SAMD3: variants seen among roughly 807,000 people sequenced by gnomAD.
The protein encoded by SAMD3 is sterile alpha motif domain containing 3, also known as sterile alpha motif domain-containing protein 3.
A neutral mutation model predicts 58.5 loss-of-function variants in SAMD3; 63 were observed. That is an observed-to-expected ratio of 1.08 (90% CI 0.88 to 1.33). The LOEUF (loss-of-function observed/expected upper bound fraction) is 1.33, where lower values mean the gene tolerates loss of function less well. SAMD3 is among the 40% of genes most tolerant of loss of function. SAMD3 has a pLI of 0.00. For synonymous variants in SAMD3, 220 were observed against 210.3 expected, an observed-to-expected ratio of 1.05 and a Z score of -0.40; for missense variants, 604 against 608.4, an observed-to-expected ratio of 0.99 and a Z score of 0.08.
intron 2 of SAMD3, among the ~76,000 whole-genome samples, chr6:130,298,899 T>A (rs893606993): frequency 6.6e-6 from 1 of 152,128 alleles, no homozygotes; most frequent in Non-Finnish European, 1.5e-5. Flanking sequence ...CATTATTTAA[T>A]GATAAAGGGT....
chr6:130,199,053 TA>T (rs1794405919), intron 5 of SAMD3, among the ~76,000 whole-genome samples: 1 of 152,202 alleles, frequency 6.6e-6, no homozygotes, highest in South Asian at 2.1e-4. Context: ...TGTAAAATAG[TA>T]TTACTTTCTG....
At chr6:130,267,068 G>A (rs1001707655) in intron 2 of SAMD3, among the ~76,000 whole-genome samples, 2 of 152,168 alleles carry the variant, frequency 1.3e-5, no homozygotes, top group Non-Finnish European at 2.9e-5. Context: ...ACTAGCTCTC[G>A]ACTACTTGCT....
chr6:130,362,373 T>A (rs1778013387), intron 1 of SAMD3, among the ~76,000 whole-genome samples: 1 of 152,220 alleles, frequency 6.6e-6, no homozygotes, highest in African/African-American at 2.4e-5. Context: ...GAATGACTGG[T>A]TCAGTACCAT....
intron 5 of SAMD3, among the ~76,000 whole-genome samples, chr6:130,185,628 ATTTT>A (rs1224222250): frequency 7.6e-6 from 1 of 132,378 alleles, no homozygotes; most frequent in African/African-American, 2.8e-5. Context: ...CATCTGCCCA[ATTTT>A]TTTTTTTTTT....
At chr6:130,183,464 C>T in intron 7 of SAMD3, 1 of 428,108 alleles carries the variant, frequency 2.3e-6, no homozygotes, top group South Asian at 1.7e-5. Flanking sequence ...GACCTCAAAG[C>T]CAGACAACAG....
chr6:130,302,979 T>A (rs1348399275), intron 2 of SAMD3, among the ~76,000 whole-genome samples: 1 of 152,142 alleles, frequency 6.6e-6, no homozygotes, highest in African/African-American at 2.4e-5. Context: ...GCTGTTTGGG[T>A]GGCGAGTTAA....
chr6:130,215,372 C>T, intron 2 of SAMD3, 78 bp from the exon 3 acceptor site: 1 of 1,267,980 alleles, frequency 7.9e-7, no homozygotes, highest in Non-Finnish European at 1.1e-6. Context: ...CAGTCAGCCG[C>T]TTCCTTTGCT....
At chr6:130,291,510 G>T (rs578067964) in intron 2 of SAMD3, among the ~76,000 whole-genome samples, 3 of 152,184 alleles carry the variant, frequency 2.0e-5, no homozygotes, top group Non-Finnish European at 4.4e-5. Flanking sequence ...CAGCTAAAAA[G>T]CTTTGCTGCT....
intron 4 of SAMD3, 59 bp downstream of exon 4, chr6:130,214,278 C>T: frequency 1.4e-6 from 2 of 1,404,812 alleles, no homozygotes; most frequent in Non-Finnish European, 1.9e-6. Flanking sequence ...ACGTCACGCT[C>T]TAGCCATCAT....
chr6:130,245,703 A>G (rs976323456), intron 2 of SAMD3, among the ~76,000 whole-genome samples: 10 of 152,208 alleles, frequency 6.6e-5, no homozygotes, highest in African/African-American at 2.4e-4. Flanking sequence ...AGGGAGTGTA[A>G]TGAAACTCTT....
intron 2 of SAMD3, among the ~76,000 whole-genome samples, chr6:130,288,832 A>G (rs1453265142): frequency 2.0e-5 from 3 of 152,236 alleles, no homozygotes; most frequent in African/African-American, 7.2e-5. Context: ...TGGTGATTAC[A>G]GTCTTATGAG....
rs143937495 is a variant in SAMD3, at chr6:130,316,184, G to A, written c.-303-3091C>T. On this transcript the variant is annotated intron_variant, in intron 1 of 13. Transcript: ENST00000368134. ...CAGTCGCCTGTAACCCCAGCTACTC[G>A]CGAGGCTGAGGCAGGAGAATTGCTT... 3.0e-3 allele frequency among the ~76,000 whole-genome samples: 451 copies of A among 151,592 alleles called. 3 individuals are homozygous for A. The highest frequency in any genetic ancestry group is 5.2e-3 in the African/African-American group (214 of 41,306).
chr6:130,211,275 A>ATTTTTTTTTTTTTTTTTT, intron 4 of SAMD3, among the ~76,000 whole-genome samples: 1 of 134,314 alleles, frequency 7.4e-6, no homozygotes, highest in Non-Finnish European at 1.6e-5. Context: ...TGCCAATCAG[A>ATTTTTTTTTTTTTTTTTT]ATTTTTTTTT....
intron 5 of SAMD3, among the ~76,000 whole-genome samples, chr6:130,206,394 ACAGGGAAG>A (rs1795083330): frequency 6.6e-6 from 1 of 152,218 alleles, no homozygotes; most frequent in South Asian, 2.1e-4. Flanking sequence ...GGCCAACTAG[ACAGGGAAG>A]CAGAATGGAG....
intron 5 of SAMD3, among the ~76,000 whole-genome samples, chr6:130,188,182 C>G (rs1335614261): frequency 6.6e-6 from 1 of 152,136 alleles, no homozygotes; most frequent in African/African-American, 2.4e-5. Context: ...AATTCTTTCC[C>G]TGCTTCCAAA....
chr6:130,281,326 T>C (rs1774973658), intron 2 of SAMD3, among the ~76,000 whole-genome samples: 1 of 152,220 alleles, frequency 6.6e-6, no homozygotes, highest in South Asian at 2.1e-4. Flanking sequence ...GATTTTATAG[T>C]ATAAAGTTAT....
upstream of SAMD3, among the ~76,000 whole-genome samples, chr6:130,223,410 A>G (rs553143187): frequency 6.6e-6 from 1 of 152,354 alleles, no homozygotes; most frequent in South Asian, 2.1e-4. Context: ...TGATAGCTGA[A>G]CATTTTATAG....
rs556039143 is a variant in SAMD3 at position 130,198,691 on chromosome 6, C to T, written c.383+10804G>A. ...GAGATACAAAAACCAGTGGGGAACA[C>T]TAGAGAGGCAGATCTAGAGACTGAG... On this transcript the variant is annotated intron_variant, in intron 5 of 11. Coordinates refer to ENST00000439090, the MANE Select transcript of SAMD3 (RefSeq NM_001017373.4). Among the ~76,000 whole-genome samples, 15 of 152,294 alleles carry T rather than the reference C, an allele frequency of 9.8e-5. No individual in the cohort carries two copies. The South Asian group carries it at 3.1e-3, about 32-fold the overall frequency.
At chr6:130,320,682 A>G (rs927984738) in intron 1 of SAMD3, among the ~76,000 whole-genome samples, 2 of 152,254 alleles carry the variant, frequency 1.3e-5, no homozygotes, top group South Asian at 4.1e-4. Context: ...CATAAAGAGG[A>G]ATGGATTATT....
Sources: gnomAD v4.1 joint callset for allele counts (sites outside exome capture counted in the v4.1 genomes callset) on GRCh38, gnomAD v4.1.1 for gene constraint, MANE v1.5 for transcripts, NCBI Gene and HGNC (gene_info 2026-07-23, HGNC 2026-07-21) for gene names.